Variants in TCF7L2 observed in about 807,000 individuals in gnomAD.
TCF7L2 encodes the protein transcription factor 7-like 2.
A neutral mutation model predicts 77.9 loss-of-function variants in TCF7L2; 23 were observed. The observed-to-expected ratio is 0.30, with a 90% CI of 0.21 to 0.42. The LOEUF (loss-of-function observed/expected upper bound fraction) is 0.42. TCF7L2 is among the 10% of genes least tolerant of loss of function. TCF7L2 has a pLI of 1.00. For missense variants in TCF7L2, 654 were observed against 793.1 expected (o/e 0.82, Z 2.11); for synonymous variants, 413 against 340.2 (o/e 1.21, Z -2.36).
At chr10:113,043,806 A>G (rs185824355) in intron 5 of TCF7L2, among the ~76,000 whole-genome samples, 196 of 152,216 alleles carry the variant, frequency 1.3e-3, no homozygotes, top group African/African-American at 4.7e-3. Context: ...ATGAGTGCCA[A>G]GCAGCTAAGT....
intron 5 of TCF7L2, among the ~76,000 whole-genome samples, chr10:113,106,522 A>AT (rs1234149149): frequency 1.3e-5 from 2 of 152,084 alleles, no homozygotes; most frequent in African/African-American, 2.4e-5. Context: ...GAATTCACTT[A>AT]TTTTCCACTT....
intron 5 of TCF7L2, among the ~76,000 whole-genome samples, chr10:113,116,113 A>C (rs1174314544): frequency 6.6e-6 from 1 of 152,208 alleles, no homozygotes; most frequent in Non-Finnish European, 1.5e-5. Flanking sequence ...TGTTTGTCTT[A>C]GGAGCAGAAA....
chr10:113,112,511 G>A (rs1343021399), intron 5 of TCF7L2, among the ~76,000 whole-genome samples: 1 of 152,180 alleles, frequency 6.6e-6, no homozygotes, highest in African/African-American at 2.4e-5. Context: ...TAGCAGCTTG[G>A]GGCTTGGGTG....
At chr10:113,048,225 C>T (rs747737843) in intron 5 of TCF7L2, among the ~76,000 whole-genome samples, 22 of 152,184 alleles carry the variant, frequency 1.4e-4, no homozygotes, top group Admixed American at 6.5e-4. Flanking sequence ...GAGCTACACT[C>T]ATGGTTTTGA....
chr10:113,124,606 C>A (rs969426478), intron 5 of TCF7L2, among the ~76,000 whole-genome samples: 1 of 152,054 alleles, frequency 6.6e-6, no homozygotes, highest in Non-Finnish European at 1.5e-5. Context: ...AGTGATATAA[C>A]TCTGCAGGAC....
At chr10:113,058,964 T>C (rs2055903985) in intron 5 of TCF7L2, among the ~76,000 whole-genome samples, 2 of 152,172 alleles carry the variant, frequency 1.3e-5, no homozygotes, top group Admixed American at 6.5e-5. Flanking sequence ...TTCATGGAGA[T>C]AAAGTGTCAG....
chr10:113,100,844 C>T (rs182527094), intron 5 of TCF7L2, among the ~76,000 whole-genome samples: 8 of 151,946 alleles, frequency 5.3e-5, no homozygotes, highest in East Asian at 3.9e-4. Flanking sequence ...GGGAGGCTGA[C>T]GCAGGTGGAT....
intron 4 of TCF7L2, among the ~76,000 whole-genome samples, chr10:113,035,733 G>A (rs750707763): frequency 6.6e-6 from 1 of 152,198 alleles, no homozygotes; most frequent in Non-Finnish European, 1.5e-5. Flanking sequence ...CACATCAAGA[G>A]AGGAATAATA....
intron 4 of TCF7L2, among the ~76,000 whole-genome samples, chr10:112,990,486 C>T (rs540034093): frequency 2.5e-4 from 38 of 151,940 alleles, no homozygotes; most frequent in African/African-American, 7.5e-4. Flanking sequence ...GTGGGTGGAT[C>T]GCTTGAGCCC....
chr10:113,137,009 A>G (rs922610426), intron 5 of TCF7L2, among the ~76,000 whole-genome samples: 1 of 148,736 alleles, frequency 6.7e-6, no homozygotes, highest in Non-Finnish European at 1.5e-5. Flanking sequence ...GACCATGATC[A>G]TCTCCACCTG....
At chr10:112,969,483 A>G (rs2134819817) in intron 4 of TCF7L2, among the ~76,000 whole-genome samples, 1 of 152,262 alleles carries the variant, frequency 6.6e-6, no homozygotes, top group South Asian at 2.1e-4. Flanking sequence ...ATATATTTCC[A>G]TTTCTGTTTA....
chr10:113,100,593 C>T (rs943628747), intron 5 of TCF7L2, among the ~76,000 whole-genome samples: 32 of 152,116 alleles, frequency 2.1e-4, no homozygotes, highest in African/African-American at 7.5e-4. Context: ...ATCCTCCCCG[C>T]TGAAAATTTA....
chr10:113,024,466 A>G (rs528316777), intron 4 of TCF7L2, among the ~76,000 whole-genome samples: 4 of 152,328 alleles, frequency 2.6e-5, no homozygotes, highest in African/African-American at 9.6e-5. Context: ...AGTACAGGTT[A>G]AATAACCATT....
intron 8 of TCF7L2, among the ~76,000 whole-genome samples, chr10:113,148,871 T>G (rs1020272912): frequency 2.0e-5 from 3 of 152,176 alleles, no homozygotes; most frequent in Non-Finnish European, 4.4e-5. Flanking sequence ...TGTGCCTTCT[T>G]CATGGCTGCA....
intron 5 of TCF7L2, among the ~76,000 whole-genome samples, chr10:113,128,939 TTCTC>T (rs927889386): frequency 6.6e-6 from 1 of 151,778 alleles, no homozygotes; most frequent in Non-Finnish European, 1.5e-5. Flanking sequence ...TTTCCCTTCC[TTCTC>T]TCTCTCTCTC....
At chr10:112,985,861 TG>T (rs113283988) in intron 4 of TCF7L2, among the ~76,000 whole-genome samples, 77 of 36,074 alleles carry the variant, frequency 2.1e-3, no homozygotes, top group African/African-American at 0.013. Flanking sequence ...GCCTGTAGTT[TG>T]TGTGTGTGTG....
At chr10:113,044,309 C>T (rs898879401) in intron 5 of TCF7L2, among the ~76,000 whole-genome samples, 2 of 152,200 alleles carry the variant, frequency 1.3e-5, no homozygotes, top group Non-Finnish European at 2.9e-5. Flanking sequence ...TGTGCATTTT[C>T]GAGGAAGCTC....
At chr10:113,086,737 T>G (rs1412515850) in intron 5 of TCF7L2, among the ~76,000 whole-genome samples, 1 of 148,538 alleles carries the variant, frequency 6.7e-6, no homozygotes, top group Non-Finnish European at 1.5e-5. Flanking sequence ...TTTATTTGTT[T>G]GTTTTTTAAG....
At chr10:112,999,984 G>T (rs1459053648) in intron 4 of TCF7L2, among the ~76,000 whole-genome samples, 1 of 152,178 alleles carries the variant, frequency 6.6e-6, no homozygotes, top group Non-Finnish European at 1.5e-5. Context: ...TAGGATGCTA[G>T]CCCTGAGAAT....
Sources: gnomAD v4.1 joint callset for allele counts (sites outside exome capture counted in the v4.1 genomes callset) on GRCh38, gnomAD v4.1.1 for gene constraint, MANE v1.5 for transcripts, NCBI Gene and HGNC (gene_info 2026-07-23, HGNC 2026-07-21) for gene names.